Variants in SMYD3 observed in about 807,000 individuals in gnomAD.
SMYD3 encodes the protein SET and MYND domain containing 3, also known as histone-lysine N-methyltransferase SMYD3.
SMYD3 carries 36 observed loss-of-function variants against 57.7 expected under a neutral mutation model. That is an observed-to-expected ratio of 0.62 (90% CI 0.48 to 0.82). SMYD3 has a LOEUF of 0.82. SMYD3 is among the 40% of genes least tolerant of loss of function. The pLI is 0.00. For missense variants in SMYD3, 515 were observed against 538.8 expected (o/e 0.96, Z 0.44); for synonymous variants, 211 against 195.0 (o/e 1.08, Z -0.68).
At chr1:246,095,336 G>A (rs2060895767) in intron 5 of SMYD3, among the ~76,000 whole-genome samples, 1 of 152,242 alleles carries the variant, frequency 6.6e-6, no homozygotes, top group South Asian at 2.1e-4. Context: ...ATAACTTATC[G>A]AACTTATACT....
rs1190409072 is a variant in SMYD3 at position 246,399,182 on chromosome 1, C to G, written c.165-44088G>C. On this transcript the variant is annotated intron_variant, in intron 1 of 11. Transcript: ENST00000490107. ...GACTACAGGCATGTGCCACCACGCC[C>G]AGCTAGTTTTTTTGTATTTTTAGTA... Among the ~76,000 whole-genome samples the G allele has an allele frequency of 2.0e-5, 3 of 150,654 alleles. No individual in the cohort carries two copies. In the East Asian group the frequency reaches 5.9e-4, roughly 30 times the overall value.
intron 5 of SMYD3, among the ~76,000 whole-genome samples, chr1:245,951,840 T>A (rs2057664098): frequency 6.6e-6 from 1 of 152,276 alleles, no homozygotes; most frequent in East Asian, 1.9e-4. Flanking sequence ...TAGTTATTTC[T>A]AATAAAAAAT....
chr1:245,992,617 C>T (rs1464025351), intron 5 of SMYD3, among the ~76,000 whole-genome samples: 3 of 27,992 alleles, frequency 1.1e-4, no homozygotes, highest in Non-Finnish European at 1.0e-4. Flanking sequence ...GGTCATGGAT[C>T]GCCCACTTCT....
intron 5 of SMYD3, among the ~76,000 whole-genome samples, chr1:245,970,254 C>A (rs2058263445): frequency 6.6e-6 from 1 of 152,140 alleles, no homozygotes; most frequent in East Asian, 1.9e-4. Context: ...AACTGGCTAG[C>A]CACATGTAGA....
chr1:246,110,848 C>G (rs1228515005), intron 5 of SMYD3, among the ~76,000 whole-genome samples: 1 of 152,212 alleles, frequency 6.6e-6, no homozygotes, highest in African/African-American at 2.4e-5. Context: ...ATGTTCCTTA[C>G]ACCTACCAAT....
intron 11 of SMYD3, among the ~76,000 whole-genome samples, chr1:245,751,195 T>C (rs2045332564): frequency 6.6e-6 from 1 of 152,236 alleles, no homozygotes; most frequent in Non-Finnish European, 1.5e-5. Context: ...TAGGATATGA[T>C]GCAGACCTTC....
At chr1:246,262,588 T>C (rs1027494177) in intron 5 of SMYD3, among the ~76,000 whole-genome samples, 4 of 152,136 alleles carry the variant, frequency 2.6e-5, no homozygotes, top group Non-Finnish European at 4.4e-5. Context: ...ATATTTCTTA[T>C]GGACTTTCTG....
At chr1:245,765,976 T>C (rs978290096) in intron 10 of SMYD3, among the ~76,000 whole-genome samples, 1 of 152,206 alleles carries the variant, frequency 6.6e-6, no homozygotes, top group Non-Finnish European at 1.5e-5. Flanking sequence ...TCCCTCTCGC[T>C]GAATCTTAAC....
chr1:246,322,095 G>A (rs968420520), intron 5 of SMYD3, among the ~76,000 whole-genome samples: 1 of 152,144 alleles, frequency 6.6e-6, no homozygotes, highest in Non-Finnish European at 1.5e-5. Flanking sequence ...GCTGGGTGGG[G>A]TGGCTCACAC....
At chr1:246,410,878 T>C (rs1390756965) in intron 1 of SMYD3, among the ~76,000 whole-genome samples, 2 of 152,228 alleles carry the variant, frequency 1.3e-5, no homozygotes, top group Non-Finnish European at 2.9e-5. Flanking sequence ...GAGATTCAAC[T>C]TCTTCCTGGT....
chr1:245,825,517 G>C (rs1315932018), intron 10 of SMYD3, among the ~76,000 whole-genome samples: 1 of 152,082 alleles, frequency 6.6e-6, no homozygotes, highest in East Asian at 1.9e-4. Context: ...GAGGGCTTCT[G>C]TGTCTTCAGG....
intron 5 of SMYD3, among the ~76,000 whole-genome samples, chr1:246,210,354 T>C (rs2148391396): frequency 1.3e-5 from 2 of 152,208 alleles, no homozygotes; most frequent in South Asian, 4.2e-4. Flanking sequence ...ATTCCCTAAA[T>C]ATGTGAGAAC....
At chr1:245,962,350 A>C (rs2058031580) in intron 5 of SMYD3, among the ~76,000 whole-genome samples, 1 of 152,158 alleles carries the variant, frequency 6.6e-6, no homozygotes, top group African/African-American at 2.4e-5. Context: ...TATACATGAA[A>C]TATTAGAGGA....
rs1334726423 is a variant in SMYD3 at position 245,830,683 on chromosome 1, A to T, written c.1076+27813T>A. ...TATTGCTCAGACTACTGTAGGAAGT[A>T]GAAAGCTTAGCGATAACAGATTTTC... On this transcript the variant is annotated intron_variant, in intron 10 of 11. Coordinates refer to ENST00000490107, the MANE Select transcript of SMYD3 (RefSeq NM_001167740.2). Among the ~76,000 whole-genome samples, 9 of 152,236 alleles carry T rather than the reference A, an allele frequency of 5.9e-5. 1 individual carries two copies. In the South Asian group the frequency reaches 8.3e-4, roughly 14 times the overall value.
chr1:246,237,340 A>T (rs916277051), intron 5 of SMYD3, among the ~76,000 whole-genome samples: 1 of 152,322 alleles, frequency 6.6e-6, no homozygotes, highest in South Asian at 2.1e-4. Context: ...TGAGGAACAC[A>T]GACTTTTTTC....
intron 8 of SMYD3, among the ~76,000 whole-genome samples, chr1:245,866,765 C>T (rs781153298): frequency 1.3e-5 from 2 of 152,064 alleles, no homozygotes; most frequent in African/African-American, 4.8e-5. Context: ...AAACAACAGT[C>T]TCCCTTCAAA....
intron 1 of SMYD3, among the ~76,000 whole-genome samples, chr1:246,420,939 T>C (rs1362846828): frequency 1.3e-5 from 2 of 152,210 alleles, no homozygotes; most frequent in African/African-American, 2.4e-5. Context: ...CAGATCTTTC[T>C]AGGCAGTCCA....
chr1:246,209,249 C>T (rs1238038899), intron 5 of SMYD3, among the ~76,000 whole-genome samples: 2 of 152,032 alleles, frequency 1.3e-5, no homozygotes, highest in Non-Finnish European at 2.9e-5. Context: ...AAATTACAGA[C>T]CTTAATAACT....
intron 1 of SMYD3, among the ~76,000 whole-genome samples, chr1:246,379,174 G>A (rs2066346984): frequency 6.7e-6 from 1 of 149,674 alleles, no homozygotes. Context: ...TTTAGCAACT[G>A]TGTAATACTA....
Sources: allele counts gnomAD v4.1 joint callset (sites outside exome capture counted in the v4.1 genomes callset), GRCh38; gene constraint gnomAD v4.1.1; transcripts MANE v1.5; gene names NCBI Gene and HGNC (gene_info 2026-07-23, HGNC 2026-07-21).